BRCA1: variants seen among roughly 807,000 people sequenced by gnomAD.
The protein encoded by BRCA1 is BRCA1 DNA repair associated.
A neutral mutation model predicts 173.7 loss-of-function variants in BRCA1; 140 were observed. The ratio of observed to expected loss-of-function variants is 0.81; its 90% confidence interval spans 0.70 to 0.93. The LOEUF (loss-of-function observed/expected upper bound fraction) is 0.93, where lower values mean the gene tolerates loss of function less well. Among genes scored for constraint, BRCA1 ranks in the 40% least tolerant of loss-of-function variants. The pLI is 0.00. For synonymous variants in BRCA1, 662 were observed against 756.0 expected (o/e 0.88, Z 2.04); for missense variants, 1,983 against 2,172.5 (o/e 0.91, Z 1.73).
At chr17:43,147,499 G>A (rs2056131272) in intron 1 of BRCA1, among the ~76,000 whole-genome samples, 2 of 152,112 alleles carry the variant, frequency 1.3e-5, no homozygotes, top group South Asian at 4.1e-4. Flanking sequence ...GTAGTGACAG[G>A]GTTTCACCAT....
At chr17:43,091,262 G>C (rs1430559566) in intron 10 of BRCA1, 173 bp downstream of exon 10, 5 of 915,664 alleles carry the variant, frequency 5.5e-6, no homozygotes, top group Non-Finnish European at 8.6e-6. Context: ...CGTCCTAGCT[G>C]TGTGAAGGAC....
At chr17:43,154,670 C>A (rs759536425) in intron 1 of BRCA1, among the ~76,000 whole-genome samples, 1 of 137,032 alleles carries the variant, frequency 7.3e-6, no homozygotes, top group Non-Finnish European at 1.6e-5. Context: ...ACTAATATAA[C>A]AAGTGTTTAT....
chr17:43,048,696 T>A (rs573272885), intron 21 of BRCA1, among the ~76,000 whole-genome samples: 3 of 151,532 alleles, frequency 2.0e-5, no homozygotes, highest in Non-Finnish European at 4.4e-5. Flanking sequence ...TGTTTTTTTT[T>A]TTTTAGTACA....
At chr17:43,122,839 G>A (rs1231294418) in intron 2 of BRCA1, among the ~76,000 whole-genome samples, 1 of 150,954 alleles carries the variant, frequency 6.6e-6, no homozygotes, top group Non-Finnish European at 1.5e-5. Flanking sequence ...AAGGTCAGGA[G>A]ATCAAGACTA....
In BRCA1 at chr17:43,050,573, A is replaced by T. The variant is rs11079053; in HGVS notation, c.5332+490T>A. ...GGTTGCAGTGAGCCGAGATCGCGCC[A>T]TTGCACTCTGGCCTGGGCAACAGAG... On this transcript the variant is annotated intron_variant, in intron 20 of 22. Coordinates refer to ENST00000357654, the MANE Select transcript of BRCA1 (RefSeq NM_007294.4). Among the ~76,000 whole-genome samples the T allele has an allele frequency of 0.034, 5,061 of 150,624 alleles. 301 individuals carry two copies. Among genetic ancestry groups the T allele is most frequent in the African/African-American group, 0.12 (4,832 of 40,982 alleles).
At chr17:43,129,567 G>A (rs2055947964), upstream of BRCA1, among the ~76,000 whole-genome samples, 2 of 152,042 alleles carry the variant, frequency 1.3e-5, no homozygotes, top group Middle Eastern at 3.4e-3. Context: ...TCTGTCTCCC[G>A]GGTTCACGCC....
At position 43,094,213 on chromosome 17, in the gene BRCA1, A is replaced by G. The variant is rs2154459050; in HGVS notation, c.1318T>C (p.Leu440=). 6.2e-7 allele frequency: 1 copy of G among 1,614,072 alleles called. No individual in the cohort carries two copies. The highest frequency in any genetic ancestry group is 2.2e-5 in the East Asian group (1 of 44,872). ...TGAACTCTTTCACTTTTACATATTAAAGCCTCATGAGGATCACTGGCCAGT... is the reference window on the plus strand; with the variant it reads ...TGAACTCTTTCACTTTTACATATTAGAGCCTCATGAGGATCACTGGCCAGT... The part of the protein sequence containing the change: ...DLLASDPHEA[L]ICKSERVHSK... Residue 440 remains leucine, a synonymous_variant, in exon 10 of 23, where the codon TTA becomes CTA. Transcript: ENST00000357654.
intron 18 of BRCA1, 37 bp downstream of exon 18, chr17:43,063,296 G>A (rs1368548128): frequency 6.5e-7 from 1 of 1,531,868 alleles, no homozygotes; most frequent in African/African-American, 1.4e-5. Flanking sequence ...ATGACTGAAT[G>A]AATATCTCTG....
At position 43,093,301 on chromosome 17, in the gene BRCA1, CATT is replaced by C. The variant is rs769088801; in HGVS notation, c.2227_2229del (p.Asn743del). 3 of 1,614,012 alleles carry C rather than the reference CATT, an allele frequency of 1.9e-6. No individual in the cohort carries two copies. Among genetic ancestry groups the C allele is most frequent in the Admixed American group, 1.7e-5 (1 of 59,998 alleles). ...AACATGAGATCTTTGGGGTCTTCAG[CATT>C]ATTAGACACTTTAACTGTTTCTAGT... On this transcript the variant is annotated inframe_deletion, in exon 10 of 23. Coordinates refer to ENST00000357654, the MANE Select transcript of BRCA1 (RefSeq NM_007294.4).
chr17:43,057,821 G>A (rs2051572318), intron 18 of BRCA1, among the ~76,000 whole-genome samples: 1 of 151,568 alleles, frequency 6.6e-6, no homozygotes, highest in Non-Finnish European at 1.5e-5. Flanking sequence ...GGGCAACTGA[G>A]CGAGACTCCG....
chr17:43,158,556 T>C (rs549313455), intron 1 of BRCA1, among the ~76,000 whole-genome samples: 1 of 152,344 alleles, frequency 6.6e-6, no homozygotes, highest in Non-Finnish European at 1.5e-5. Flanking sequence ...TTTTTTATTG[T>C]GGGTAAGAGG....
rs80357569 is a variant in BRCA1, at chr17:43,094,514, C to CT, written c.1016dup (p.Val340GlyfsTer6). The CT allele has an allele frequency of 1.2e-6, 2 of 1,614,010 alleles. No individual in the cohort carries two copies. The highest frequency in any genetic ancestry group is 2.2e-5 in the East Asian group (1 of 44,890). ...ACAGGGGATCAGCATTCAGATCTAC[C>CT]TTTTTTTCTGTGCTGGGAGTCCGCC... On this transcript the variant is annotated frameshift_variant, in exon 10 of 23. Coordinates refer to ENST00000357654, the MANE Select transcript of BRCA1 (RefSeq NM_007294.4). LOFTEE classifies it high-confidence loss of function.
rs990662590 is a variant in BRCA1 at position 43,051,227 on chromosome 17, T to A, written c.5278-110A>T. The A allele has an allele frequency of 5.9e-6, 6 of 1,015,294 alleles. No individual in the cohort carries two copies. In the African/African-American group the frequency reaches 9.6e-5, roughly 16 times the overall value. 62.9% of individuals were successfully genotyped at this position (1,015,294 alleles called of 1,614,324 possible). On this transcript the variant is annotated intron_variant, in intron 19 of 22. Transcript: ENST00000357654. Reference sequence around the variant, plus strand: ...AAACAGACTTTCAAAAAGGAAGAGCTTTTCTTTTTCTTCTGTTCACCACCT... The same window carrying A: ...AAACAGACTTTCAAAAAGGAAGAGCATTTCTTTTTCTTCTGTTCACCACCT...
chr17:43,149,274 T>G (rs1410612639), intron 1 of BRCA1, among the ~76,000 whole-genome samples: 1 of 151,570 alleles, frequency 6.6e-6, no homozygotes, highest in Non-Finnish European at 1.5e-5. Flanking sequence ...AGTTTTTTTT[T>G]TTTTTTTTTT....
chr17:43,134,352 G>A (rs541921143), intron 1 of BRCA1, among the ~76,000 whole-genome samples: 1 of 152,280 alleles, frequency 6.6e-6, no homozygotes, highest in East Asian at 1.9e-4. Flanking sequence ...AAGTGGGGTG[G>A]CTTGGGAAGT....
rs587780805 is a variant in BRCA1, at chr17:43,115,779, A to G, written c.81T>C (p.Cys27=). ...AMQKILECPI[C]LELIKEPVST... is the part of the protein sequence containing the mutation. ...AGACAGGTTCCTTGATCAACTCCAG[A>G]CTAGCAGGGTAGGGGGGGAGAAAAA... Residue 27 remains cysteine (C), a splice_region_variant and synonymous_variant, in exon 3 of 23, where the codon TGT becomes TGC. Transcript: ENST00000357654. 1.9e-6 allele frequency: 3 copies of G among 1,613,410 alleles called. No homozygotes were observed. The highest frequency in any genetic ancestry group is 2.5e-6 in the Non-Finnish European group (3 of 1,179,608).
At chr17:43,087,365 GA>G (rs2053267022) in intron 11 of BRCA1, among the ~76,000 whole-genome samples, 1 of 152,122 alleles carries the variant, frequency 6.6e-6, no homozygotes, top group Admixed American at 6.5e-5. Flanking sequence ...AGTCACTTAA[GA>G]ATTTTAACGA....
At chr17:43,068,624 C>T (rs373703115) in intron 15 of BRCA1, among the ~76,000 whole-genome samples, 33 of 152,088 alleles carry the variant, frequency 2.2e-4, no homozygotes, top group African/African-American at 6.3e-4. Flanking sequence ...ATTCGATTCC[C>T]TAAGATCGTT....
At chr17:43,088,578 T>C (rs1361738423) in intron 11 of BRCA1, among the ~76,000 whole-genome samples, 1 of 152,226 alleles carries the variant, frequency 6.6e-6, no homozygotes, top group South Asian at 2.1e-4. Flanking sequence ...AAGTTTTCTA[T>C]GATGCACATA....
Sources: gnomAD v4.1 joint callset for allele counts (sites outside exome capture counted in the v4.1 genomes callset) on GRCh38, gnomAD v4.1.1 for gene constraint, MANE v1.5 for transcripts, NCBI Gene and HGNC (gene_info 2026-07-23, HGNC 2026-07-21) for gene names.